The following GALNT17 variants were observed in gnomAD, a reference collection of about 807,000 sequenced individuals.
The protein encoded by GALNT17 is UDP-GalNAc:polypeptide N-acetylgalactosaminyltransferase-like 3.
In GALNT17, 29 loss-of-function variants were observed where a neutral mutation model predicts 63.7. That is an observed-to-expected ratio of 0.46 (90% CI 0.34 to 0.62). The LOEUF (loss-of-function observed/expected upper bound fraction) is 0.62, where lower values mean the gene tolerates loss of function less well. Among genes scored for constraint, GALNT17 ranks in the 20% least tolerant of loss-of-function variants. The pLI, the probability that GALNT17 is intolerant of heterozygous loss-of-function variation, is 0.01. For synonymous variants in GALNT17, 305 were observed against 318.3 expected, an observed-to-expected ratio of 0.96 and a Z score of 0.45; for missense variants, 603 against 799.6, an observed-to-expected ratio of 0.75 and a Z score of 2.97.
At chr7:71,677,690 T>G (rs960609697) in intron 9 of GALNT17, among the ~76,000 whole-genome samples, 22 of 152,012 alleles carry the variant, frequency 1.4e-4, no homozygotes, top group Non-Finnish European at 1.8e-4. Context: ...AATTTTTTTG[T>G]ATTTTTAGTA....
At chr7:71,195,984 C>G (rs532578656) in intron 1 of GALNT17, among the ~76,000 whole-genome samples, 1 of 152,134 alleles carries the variant, frequency 6.6e-6, no homozygotes, top group African/African-American at 2.4e-5. Context: ...AAACTCTTCT[C>G]ATGTGTTGTC....
intron 5 of GALNT17, among the ~76,000 whole-genome samples, chr7:71,519,594 G>A (rs1475276132): frequency 6.6e-6 from 1 of 152,138 alleles, no homozygotes; most frequent in Non-Finnish European, 1.5e-5. Flanking sequence ...CTCCCGAGTA[G>A]CTGAGACTAC....
chr7:71,274,462 T>G (rs1490183266), intron 1 of GALNT17, among the ~76,000 whole-genome samples: 6 of 152,096 alleles, frequency 3.9e-5, no homozygotes, highest in Admixed American at 6.5e-5. Context: ...AAATTTTTTG[T>G]AGAGGCAGGA....
rs368749036 is a variant in GALNT17, at chr7:71,388,298, C to G, written c.486C>G (p.Asn162Lys). 9.3e-6 allele frequency: 15 copies of G among 1,614,000 alleles called. No individual in the cohort carries two copies. Among genetic ancestry groups the G allele is most frequent in the Non-Finnish European group, 5.9e-6 (7 of 1,180,002 alleles). ...PQISIIFIFV[N>K]EALSVILRSV... ...TATCCATCATATTCATCTTCGTGAA[C>G]GAGGCCCTGTCGGTGATCCTGCGGT... The change falls in exon 3 of 11, where the codon AAC becomes AAG. Residue 162 changes from asparagine (N) to lysine (K), a missense_variant. Transcript: ENST00000333538.
chr7:71,153,840 G>A (rs1039214104), intron 1 of GALNT17, among the ~76,000 whole-genome samples: 2 of 151,816 alleles, frequency 1.3e-5, no homozygotes, highest in African/African-American at 4.8e-5. Context: ...CCCAGGAGGC[G>A]GAACTTGCAG....
chr7:71,501,751 T>C (rs1375881695), intron 5 of GALNT17, among the ~76,000 whole-genome samples: 1 of 152,190 alleles, frequency 6.6e-6, no homozygotes, highest in Non-Finnish European at 1.5e-5. Flanking sequence ...TACAGTCATA[T>C]AGAGTGTCAC....
intron 3 of GALNT17, among the ~76,000 whole-genome samples, chr7:71,412,375 C>CTT (rs529402267): frequency 3.1e-4 from 45 of 145,810 alleles, no homozygotes; most frequent in Non-Finnish European, 5.1e-4. Context: ...CATCATCTCC[C>CTT]TTTTTTTTTT....
intron 9 of GALNT17, among the ~76,000 whole-genome samples, chr7:71,704,777 T>G (rs1355524902): frequency 2.0e-5 from 3 of 152,296 alleles, no homozygotes; most frequent in African/African-American, 7.2e-5. Context: ...GAAAGAATAG[T>G]CTTTTCAGCA....
chr7:71,440,540 A>G (rs1420021594), intron 5 of GALNT17, among the ~76,000 whole-genome samples: 2 of 151,868 alleles, frequency 1.3e-5, no homozygotes, highest in African/African-American at 2.4e-5. Context: ...ATGCGCGGTT[A>G]ACTTTGTATT....
chr7:71,306,325 A>G (rs1024791382), intron 1 of GALNT17, among the ~76,000 whole-genome samples: 6 of 152,174 alleles, frequency 3.9e-5, no homozygotes, highest in African/African-American at 1.4e-4. Flanking sequence ...GTATATACAC[A>G]TTTTTGGGCA....
At chr7:71,348,431 C>T (rs142162710) in intron 2 of GALNT17, among the ~76,000 whole-genome samples, 32 of 152,254 alleles carry the variant, frequency 2.1e-4, no homozygotes, top group African/African-American at 7.5e-4. Flanking sequence ...ACAAAGTTAC[C>T]ATCAAGATTC....
intron 6 of GALNT17, among the ~76,000 whole-genome samples, chr7:71,637,317 C>G (rs998448025): frequency 4.6e-5 from 7 of 152,228 alleles, no homozygotes; most frequent in African/African-American, 1.7e-4. Context: ...TCCCAAGTAG[C>G]TGGGACTACA....
At chr7:71,196,172 T>A (rs936267598) in intron 1 of GALNT17, among the ~76,000 whole-genome samples, 1 of 152,150 alleles carries the variant, frequency 6.6e-6, no homozygotes, top group African/African-American at 2.4e-5. Context: ...AGGGTCTTGC[T>A]CTGTCGCCTA....
At chr7:71,556,573 T>C (rs1404763670) in intron 5 of GALNT17, among the ~76,000 whole-genome samples, 2 of 152,118 alleles carry the variant, frequency 1.3e-5, no homozygotes, top group Non-Finnish European at 2.9e-5. Flanking sequence ...TTTTTATTTT[T>C]TGAGACAGAG....
intron 1 of GALNT17, among the ~76,000 whole-genome samples, chr7:71,248,345 G>C (rs1562946320): frequency 6.6e-6 from 1 of 152,106 alleles, no homozygotes. Flanking sequence ...GATGAGATTT[G>C]GGTGGGGACA....
intron 2 of GALNT17, among the ~76,000 whole-genome samples, chr7:71,354,083 G>T (rs79911195): frequency 1.6e-4 from 24 of 152,122 alleles, no homozygotes; most frequent in Non-Finnish European, 3.1e-4. Context: ...ACAGTACCAT[G>T]GGGGAATGGT....
intron 5 of GALNT17, among the ~76,000 whole-genome samples, chr7:71,569,239 G>A (rs1311913083): frequency 6.6e-6 from 1 of 152,042 alleles, no homozygotes; most frequent in East Asian, 1.9e-4. Context: ...CAAAGTTCTG[G>A]GATTACAGGC....
intron 2 of GALNT17, among the ~76,000 whole-genome samples, chr7:71,364,453 G>T (rs575035833): frequency 6.6e-6 from 1 of 152,162 alleles, no homozygotes. Flanking sequence ...CTGTGAGGTC[G>T]TTGTATGGGG....
chr7:71,509,928 A>G (rs963535653), intron 5 of GALNT17, among the ~76,000 whole-genome samples: 3 of 142,568 alleles, frequency 2.1e-5, no homozygotes, highest in African/African-American at 5.2e-5. Context: ...ATGACATGCA[A>G]TTCTCCATTT....
Sources: gnomAD v4.1 joint callset for allele counts (sites outside exome capture counted in the v4.1 genomes callset) on GRCh38, gnomAD v4.1.1 for gene constraint, MANE v1.5 for transcripts, NCBI Gene and HGNC (gene_info 2026-07-23, HGNC 2026-07-21) for gene names.